The following ARHGEF7 variants were observed in gnomAD, a reference collection of about 807,000 sequenced individuals.
ARHGEF7 encodes Rho guanine nucleotide exchange factor 7.
Under a neutral mutation model 109.8 loss-of-function variants are expected in ARHGEF7, and 33 were observed. The observed-to-expected ratio is 0.30, with a 90% confidence interval of 0.23 to 0.40. The LOEUF (loss-of-function observed/expected upper bound fraction) is 0.40, where lower values mean the gene tolerates loss of function less well. ARHGEF7 is among the 10% of genes least tolerant of loss of function. ARHGEF7 has a pLI of 1.00. For synonymous variants in ARHGEF7, 458 were observed against 424.6 expected (o/e 1.08, Z -0.97); for missense variants, 938 against 1,098.5 (o/e 0.85, Z 2.07).
intron 1 of ARHGEF7, among the ~76,000 whole-genome samples, chr13:111,116,164 TAA>T (rs1015129561): frequency 6.6e-6 from 1 of 152,100 alleles, no homozygotes; most frequent in African/African-American, 2.4e-5. Flanking sequence ...TCTGTATTTT[TAA>T]AGAGGCACGC....
intron 8 of ARHGEF7, among the ~76,000 whole-genome samples, chr13:111,245,765 C>T (rs562878218): frequency 6.6e-6 from 1 of 152,154 alleles, no homozygotes; most frequent in Admixed American, 6.5e-5. Flanking sequence ...ACTTTGAACT[C>T]GAATAAGAAA....
At chr13:111,275,983 T>C (rs61659070) in intron 12 of ARHGEF7, 4,195 of 359,854 alleles carry the variant, frequency 0.012, 164 homozygotes, top group African/African-American at 0.082. Context: ...CACATCCGCA[T>C]GGAGCTGTAT....
chr13:111,285,769 A>C (rs1488485223), intron 16 of ARHGEF7, among the ~76,000 whole-genome samples: 1 of 152,194 alleles, frequency 6.6e-6, no homozygotes, highest in Non-Finnish European at 1.5e-5. Context: ...GCCAGGGGAT[A>C]GGTCTGTCCT....
intron 1 of ARHGEF7, among the ~76,000 whole-genome samples, chr13:111,149,544 C>T (rs531508622): frequency 1.3e-3 from 201 of 152,310 alleles, no homozygotes; most frequent in Middle Eastern, 3.4e-3. Context: ...TTAGGATCCA[C>T]GAAGACTCTG....
At chr13:111,221,265 ATATATGTCTATATATATC>A (rs2083916048) in intron 5 of ARHGEF7, among the ~76,000 whole-genome samples, 5 of 48,832 alleles carry the variant, frequency 1.0e-4, no homozygotes, top group African/African-American at 4.6e-4. Context: ...CTATATAGAT[ATATATGTCTATATATATC>A]TATATAGATA....
At chr13:111,220,603 T>G (rs1194974057) in intron 5 of ARHGEF7, among the ~76,000 whole-genome samples, 1 of 152,216 alleles carries the variant, frequency 6.6e-6, no homozygotes, top group Non-Finnish European at 1.5e-5. Context: ...GGAATTTGTC[T>G]TGCAGTATGC....
chr13:111,221,292 T>G (rs867093409), intron 5 of ARHGEF7, among the ~76,000 whole-genome samples: 4 of 45,152 alleles, frequency 8.9e-5, no homozygotes, highest in East Asian at 3.2e-4. Flanking sequence ...TCTATATAGA[T>G]ATATATGTCT....
intron 2 of ARHGEF7, chr13:111,187,073 A>T (rs2079339487): frequency 2.1e-6 from 2 of 942,946 alleles, no homozygotes; most frequent in Non-Finnish European, 2.5e-6. Context: ...GTTGGGCTGG[A>T]ATAGAGCTGG....
rs574527337 is a variant in ARHGEF7 at position 111,198,477 on chromosome 13, G to A, written c.253-6812G>A. On this transcript the variant is annotated intron_variant, in intron 2 of 21. Coordinates refer to ENST00000646102, the MANE Select transcript of ARHGEF7 (RefSeq NM_001354046.2). ...CAGATGTGTCCATTCCTTCAGATGT[G>A]TCCAGAGTTTCTTCCTTCCGGTGGG... Among the ~76,000 whole-genome samples, 6 of 152,258 alleles carry A rather than the reference G, an allele frequency of 3.9e-5. No individual in the cohort carries two copies. In the South Asian group the frequency reaches 1.0e-3, roughly 26 times the overall value.
At chr13:111,259,612 A>G (rs1209783153) in intron 8 of ARHGEF7, among the ~76,000 whole-genome samples, 1 of 152,218 alleles carries the variant, frequency 6.6e-6, no homozygotes, top group Non-Finnish European at 1.5e-5. Flanking sequence ...GCAACACCCA[A>G]GTCCCTTTGA....
intron 21 of ARHGEF7, 99 bp from the exon 22 acceptor site, chr13:111,302,892 G>A (rs745951854): frequency 2.0e-6 from 3 of 1,478,940 alleles, no homozygotes; most frequent in Non-Finnish European, 2.8e-6. Context: ...GGGATTTCAT[G>A]AATCGAGGCC....
intron 2 of ARHGEF7, among the ~76,000 whole-genome samples, chr13:111,192,981 A>G (rs1221738436): frequency 6.6e-6 from 1 of 152,166 alleles, no homozygotes; most frequent in Non-Finnish European, 1.5e-5. Flanking sequence ...TTGTTCCCTT[A>G]GAGGGGACTT....
At chr13:111,154,494 T>C (rs564807376) in intron 2 of ARHGEF7, among the ~76,000 whole-genome samples, 22 of 152,338 alleles carry the variant, frequency 1.4e-4, no homozygotes, top group Non-Finnish European at 1.2e-4. Context: ...CTCCTTTCTC[T>C]GCTTTTTCTT....
chr13:111,168,610 T>G (rs2077322638), intron 2 of ARHGEF7, among the ~76,000 whole-genome samples: 1 of 152,184 alleles, frequency 6.6e-6, no homozygotes, highest in Non-Finnish European at 1.5e-5. Flanking sequence ...CCTTATAGAT[T>G]ATACAGTTTT....
chr13:111,172,869 T>C (rs1278756835), intron 2 of ARHGEF7, among the ~76,000 whole-genome samples: 1 of 152,236 alleles, frequency 6.6e-6, no homozygotes, highest in Non-Finnish European at 1.5e-5. Flanking sequence ...CAGACATTAC[T>C]GATGCTGCCT....
intron 1 of ARHGEF7, among the ~76,000 whole-genome samples, chr13:111,134,372 T>C (rs1337403663): frequency 6.6e-6 from 1 of 152,234 alleles, no homozygotes; most frequent in Non-Finnish European, 1.5e-5. Flanking sequence ...TGCCACACTG[T>C]CTTCCACACT....
chr13:111,164,902 A>C (rs1048094961), intron 2 of ARHGEF7, among the ~76,000 whole-genome samples: 11 of 152,226 alleles, frequency 7.2e-5, no homozygotes, highest in African/African-American at 2.7e-4. Flanking sequence ...AAATTGCCAC[A>C]GCTTCCAAGG....
At chr13:111,289,398 G>A (rs1183835665) in intron 18 of ARHGEF7, among the ~76,000 whole-genome samples, 3 of 152,156 alleles carry the variant, frequency 2.0e-5, no homozygotes, top group African/African-American at 4.8e-5. Context: ...GCAGGGTGGC[G>A]GCTGATGCAG....
chr13:111,181,045 C>T (rs1021261174), intron 2 of ARHGEF7, among the ~76,000 whole-genome samples: 2 of 152,166 alleles, frequency 1.3e-5, no homozygotes, highest in Admixed American at 6.5e-5. Context: ...AGGTGAATGG[C>T]CACTTTAAAA....
Sources: allele counts gnomAD v4.1 joint callset (sites outside exome capture counted in the v4.1 genomes callset), GRCh38; gene constraint gnomAD v4.1.1; transcripts MANE v1.5; gene names NCBI Gene and HGNC (gene_info 2026-07-23, HGNC 2026-07-21).